MLIP: variants seen among roughly 807,000 people sequenced by gnomAD.
MLIP encodes muscular LMNA-interacting protein.
Under a neutral mutation model 84.8 loss-of-function variants are expected in MLIP, and 79 were observed. The observed-to-expected ratio is 0.93, with a 90% CI of 0.78 to 1.12. The LOEUF (loss-of-function observed/expected upper bound fraction) is 1.12, where lower values mean the gene tolerates loss of function less well. Ranked by LOEUF, MLIP falls within the 50% of genes most tolerant of loss-of-function variation. MLIP has a pLI of 0.00. For missense variants in MLIP, 1,257 were observed against 1,160.6 expected, an observed-to-expected ratio of 1.08 and a Z score of -1.21; for synonymous variants, 504 against 463.0, an observed-to-expected ratio of 1.09 and a Z score of -1.14.
Position 54,202,208 on chromosome 6 carries a change from A to G in MLIP, c.2693A>G (p.Asp898Gly). Residue 898 changes from aspartate (D) to glycine (G), a missense_variant, in exon 11 of 14, where the codon GAT becomes GGT. Asp to Gly is a moderately conservative substitution (Grantham distance 94, BLOSUM62 -1). Transcript: ENST00000502396. ...AACCCTTTCAGTAAATACTTGGAAG[A>G]TAACAGCGACCTCTTTTCTGAACAG... ...EPNPFSKYLE[D>G]NSDLFSEQDV... 6.3e-7 allele frequency: 1 copy of G among 1,578,536 alleles called. No homozygotes were observed. The highest frequency in any genetic ancestry group is 2.3e-5 in the East Asian group (1 of 43,488).
rs144842423 is a variant in MLIP at position 54,034,495 on chromosome 6, G to A, written c.63+15404G>A. On this transcript the variant is annotated intron_variant, in intron 1 of 12. Transcript: ENST00000274897. Reference sequence around the variant, plus strand: ...ATCTTAATGATCCTGCTCCTCCTGCGTAGGCCTAAGCTAATGTGTGTGTTT... The same window carrying A: ...ATCTTAATGATCCTGCTCCTCCTGCATAGGCCTAAGCTAATGTGTGTGTTT... Among the ~76,000 whole-genome samples, 15 of 152,214 alleles carry A rather than the reference G, an allele frequency of 9.9e-5. No individual in the cohort carries two copies. In the South Asian group the frequency reaches 1.0e-3, roughly 11 times the overall value.
chr6:54,229,201 A>G (rs1780807744), intron 11 of MLIP, among the ~76,000 whole-genome samples: 1 of 152,226 alleles, frequency 6.6e-6, no homozygotes, highest in African/African-American at 2.4e-5. Flanking sequence ...AACGACAATT[A>G]CAATCAGTAC....
chr6:54,245,726 T>G (rs1782033938), intron 12 of MLIP, among the ~76,000 whole-genome samples: 1 of 152,168 alleles, frequency 6.6e-6, no homozygotes, highest in South Asian at 2.1e-4. Flanking sequence ...ATTCAATAGC[T>G]TTTTACCTAC....
At chr6:54,238,296 T>C (rs554944935) in intron 12 of MLIP, among the ~76,000 whole-genome samples, 83 of 152,340 alleles carry the variant, frequency 5.4e-4, no homozygotes, top group African/African-American at 1.8e-3. Flanking sequence ...ACTTTTCTTC[T>C]TTCCTCCATT....
intron 11 of MLIP, among the ~76,000 whole-genome samples, chr6:54,209,840 CTG>C (rs1261014486): frequency 6.6e-6 from 1 of 151,998 alleles, no homozygotes; most frequent in Non-Finnish European, 1.5e-5. Flanking sequence ...GATACAGACA[CTG>C]TACTTACTTT....
At chr6:54,257,808 C>G (rs946337331) in intron 13 of MLIP, among the ~76,000 whole-genome samples, 9 of 152,048 alleles carry the variant, frequency 5.9e-5, no homozygotes, top group African/African-American at 2.2e-4. Flanking sequence ...CCAACCCCAC[C>G]TTCCCCAAGT....
rs549922584 is a variant in MLIP at position 54,091,074 on chromosome 6, C to G, written c.64-30373C>G. Among the ~76,000 whole-genome samples, 13 of 152,218 alleles carry G rather than the reference C, an allele frequency of 8.5e-5. No homozygotes were observed. In the South Asian group the frequency reaches 2.7e-3, roughly 32 times the overall value. On this transcript the variant is annotated intron_variant, in intron 1 of 12. Coordinates refer to the MLIP transcript ENST00000274897. ...TAGAAACGTCCCTTGCCTCTACTCA[C>G]TAGAGGCCAGGAGCACACCTCTCCC...
In MLIP at chr6:54,079,001, T is replaced by C. The variant is rs116615901; in HGVS notation, c.64-42446T>C. Among the ~76,000 whole-genome samples, 1,103 of 152,274 alleles carry C rather than the reference T, an allele frequency of 7.2e-3. 4 individuals carry two copies. Among genetic ancestry groups the C allele is most frequent in the Non-Finnish European group, 0.013 (893 of 68,012 alleles). On this transcript the variant is annotated intron_variant, in intron 1 of 12. Transcript: ENST00000274897. Reference sequence around the variant, plus strand: ...CCACCGCGCCCGGCCCAAGAAATAATTTTCTAGTGTTAAGAATGTTGCACA... The same window carrying C: ...CCACCGCGCCCGGCCCAAGAAATAACTTTCTAGTGTTAAGAATGTTGCACA...
At chr6:54,217,309 G>T in intron 11 of MLIP, 4 of 985,342 alleles carry the variant, frequency 4.1e-6, no homozygotes, top group Non-Finnish European at 4.8e-6. Flanking sequence ...TTTCAGATGT[G>T]CAGGCTTTAA....
chr6:54,217,409 A>G (rs1286212093), intron 11 of MLIP: 1 of 985,364 alleles, frequency 1.0e-6, no homozygotes, highest in Non-Finnish European at 1.2e-6. Flanking sequence ...ATGGTTGAGT[A>G]GAAAGTAGGC....
At chr6:54,171,485 A>G (rs912678379) in intron 9 of MLIP, among the ~76,000 whole-genome samples, 58 of 151,732 alleles carry the variant, frequency 3.8e-4, no homozygotes, top group African/African-American at 1.3e-3. Flanking sequence ...ATCATTTTAC[A>G]ATGAAAGGTC....
At chr6:54,177,210 T>C (rs1776376841) in intron 9 of MLIP, among the ~76,000 whole-genome samples, 1 of 151,684 alleles carries the variant, frequency 6.6e-6, no homozygotes. Flanking sequence ...GGGATCTAAT[T>C]AACGAGCTTT....
chr6:54,121,300 G>A (rs1167038047), intron 1 of MLIP, 147 bp from the exon 2 acceptor site: 6 of 735,660 alleles, frequency 8.2e-6, no homozygotes, highest in Admixed American at 6.3e-5. Context: ...CATTTTTATA[G>A]GTGTTTACTT....
intron 1 of MLIP, among the ~76,000 whole-genome samples, chr6:54,086,353 G>A (rs1360980125): frequency 6.6e-6 from 1 of 152,142 alleles, no homozygotes. Context: ...CAATTGAACA[G>A]TGGTTCTTTC....
At chr6:54,204,646 TG>T (rs759615909) in intron 11 of MLIP, among the ~76,000 whole-genome samples, 31 of 152,358 alleles carry the variant, frequency 2.0e-4, no homozygotes, top group Non-Finnish European at 3.8e-4. Flanking sequence ...CGACATGTAC[TG>T]TCTACTGAAA....
At chr6:54,217,550 A>C in intron 11 of MLIP, 1 of 984,602 alleles carries the variant, frequency 1.0e-6, no homozygotes, top group Non-Finnish European at 1.2e-6. Context: ...ATGAACAAAG[A>C]TATTACTTGC....
At chr6:54,248,862 G>A (rs1446117152) in intron 12 of MLIP, among the ~76,000 whole-genome samples, 1 of 151,922 alleles carries the variant, frequency 6.6e-6, no homozygotes. Context: ...GTGGGCTTAC[G>A]AAACAATTAA....
chr6:54,197,272 C>T (rs1330336260), intron 10 of MLIP, among the ~76,000 whole-genome samples: 1 of 152,022 alleles, frequency 6.6e-6, no homozygotes, highest in Non-Finnish European at 1.5e-5. Context: ...TGACGGACAT[C>T]ATTTAGGAGA....
chr6:54,174,697 T>A (rs1449991755), intron 9 of MLIP, among the ~76,000 whole-genome samples: 1 of 150,828 alleles, frequency 6.6e-6, no homozygotes, highest in Non-Finnish European at 1.5e-5. Flanking sequence ...TTCTGTGGAT[T>A]ATCCCTTCAC....
Sources: gnomAD v4.1 joint callset for allele counts (sites outside exome capture counted in the v4.1 genomes callset) on GRCh38, gnomAD v4.1.1 for gene constraint, MANE v1.5 for transcripts, NCBI Gene and HGNC (gene_info 2026-07-23, HGNC 2026-07-21) for gene names.